The following GNA13 variants were observed in gnomAD, a reference collection of about 807,000 sequenced individuals.
The protein encoded by GNA13 is G protein subunit alpha 13.
In GNA13, 4 loss-of-function variants were observed where a neutral mutation model predicts 33.5. The ratio of observed to expected loss-of-function variants is 0.12; its 90% CI spans 0.06 to 0.27. GNA13 has a LOEUF of 0.27. GNA13 is among the 10% of genes least tolerant of loss of function. GNA13 has a pLI of 1.00. For synonymous variants in GNA13, 176 were observed against 183.8 expected (o/e 0.96, Z 0.34); for missense variants, 319 against 487.2 (o/e 0.65, Z 3.25).
rs1906301899 is a variant in GNA13, at chr17:65,014,695, A to G, written c.696T>C (p.Arg232=). ...DVGGQRSERK[R]WFECFDSVTS... is the part of the protein sequence containing the mutation. ...TCACACTGTCGAAACATTCAAACCA[A>G]CGTTTCCTTTCTGATCTCTGACCAC... is the stretch of plus-strand genomic sequence containing the variant. Residue 232 remains arginine, a synonymous_variant, in exon 4 of 4, where the codon CGT becomes CGC. Coordinates refer to ENST00000439174, the MANE Select transcript of GNA13 (RefSeq NM_006572.6). This position sits in a 1 kb window ranked among gnomAD's most constrained non-coding sequence, Gnocchi z 5.3. 2 of 1,614,166 alleles carry G rather than the reference A, an allele frequency of 1.2e-6. No homozygotes were observed. Among genetic ancestry groups the G allele is most frequent in the African/African-American group, 2.7e-5 (2 of 75,046 alleles).
At chr17:65,017,715 C>T (rs750637228) in intron 3 of GNA13, among the ~76,000 whole-genome samples, 13 of 152,134 alleles carry the variant, frequency 8.5e-5, no homozygotes, top group Non-Finnish European at 8.8e-5. Flanking sequence ...TAAATCTAGC[C>T]CTCCTACTCC....
rs1355846145 is a variant in GNA13 at position 65,053,574 on chromosome 17, A to G, written c.438T>C (p.Leu146=). The G allele has an allele frequency of 6.2e-7, 1 of 1,613,968 alleles. No homozygotes were observed. Among genetic ancestry groups the G allele is most frequent in the East Asian group, 2.2e-5 (1 of 44,890 alleles). The change falls in exon 2 of 4, where the codon CTT becomes CTC. Residue 146 remains leucine (L), a synonymous_variant. Transcript: ENST00000439174. Reference sequence around the variant, plus strand: ...CTGCCCATAATGCTCTTATAGCAGGAAGATATTGTAAGAAAACCCTTGTTT... The same window carrying G: ...CTGCCCATAATGCTCTTATAGCAGGGAGATATTGTAAGAAAACCCTTGTTT... ...MVETRVFLQY[L]PAIRALWADS... is the part of the protein sequence containing the mutation.
At chr17:65,023,495 G>A (rs951295910) in intron 2 of GNA13, among the ~76,000 whole-genome samples, 4 of 152,202 alleles carry the variant, frequency 2.6e-5, no homozygotes, top group Non-Finnish European at 5.9e-5. Flanking sequence ...GTTGAACGCT[G>A]AATGGTTTCG....
chr17:65,035,673 A>C (rs192348185), intron 2 of GNA13, among the ~76,000 whole-genome samples: 9 of 152,326 alleles, frequency 5.9e-5, no homozygotes, highest in Admixed American at 4.6e-4. Flanking sequence ...GAGCCTTGAA[A>C]AATCCCTCAA....
At chr17:65,031,913 A>AGTGTGT (rs1907046663) in intron 2 of GNA13, among the ~76,000 whole-genome samples, 4 of 134,324 alleles carry the variant, frequency 3.0e-5, no homozygotes, top group Admixed American at 2.1e-4. Flanking sequence ...AGAGAGAGAG[A>AGTGTGT]GAGAGAGAGT....
chr17:65,049,980 T>A (rs528903912), intron 2 of GNA13, among the ~76,000 whole-genome samples: 2 of 152,116 alleles, frequency 1.3e-5, no homozygotes, highest in South Asian at 4.2e-4. Flanking sequence ...AAGCAAAAAA[T>A]TAGGGTATGT....
chr17:65,022,921 T>C (rs563804101), intron 2 of GNA13, among the ~76,000 whole-genome samples: 1 of 152,314 alleles, frequency 6.6e-6, no homozygotes, highest in South Asian at 2.1e-4. Context: ...CCATCAACTG[T>C]CAATTAAGAA....
intron 1 of GNA13, among the ~76,000 whole-genome samples, chr17:65,054,550 A>G (rs965586701): frequency 5.3e-5 from 8 of 152,336 alleles, no homozygotes; most frequent in Admixed American, 5.2e-4. Context: ...GGCTCAAGCC[A>G]TCCTCCCACT....
intron 1 of GNA13, 54 bp downstream of exon 1, chr17:65,056,257 C>CCCCCCCCCCCCCCCCCA: frequency 8.6e-7 from 1 of 1,157,914 alleles, no homozygotes; most frequent in Non-Finnish European, 1.2e-6. Context: ...CCGCACCCGC[C>CCCCCCCCCCCCCCCCCA]GCCGCCCCAG....
intron 2 of GNA13, among the ~76,000 whole-genome samples, chr17:65,044,132 T>TA (rs937020661): frequency 2.0e-4 from 30 of 151,372 alleles, no homozygotes; most frequent in African/African-American, 5.6e-4. Context: ...TCTCAAAAAG[T>TA]AAAAAAAAGA....
chr17:65,023,289 G>A (rs1056273775), intron 2 of GNA13, among the ~76,000 whole-genome samples: 1 of 152,236 alleles, frequency 6.6e-6, no homozygotes, highest in African/African-American at 2.4e-5. Flanking sequence ...TCATGAACGA[G>A]TAATGTCAGT....
Position 65,012,020 on chromosome 17 carries a change from ATAGTC to A in GNA13, c.*2232_*2236del, listed in dbSNP as rs760780020. ...TATAAGTAATTCATTGCCTCAAAAT[ATAGTC>A]TAGATTTTAAAAGAATGTTGATTCT... On this transcript the variant is annotated 3_prime_UTR_variant, in exon 4 of 4. Transcript: ENST00000439174. The A allele has an allele frequency of 3.1e-5, 7 of 228,038 alleles. No individual in the cohort carries two copies. Among genetic ancestry groups the A allele is most frequent in the Non-Finnish European group, 5.2e-5 (6 of 114,878 alleles). The allele number at this position is 228,038 out of a possible 1,614,324, so 14.1% of individuals were successfully genotyped here.
At chr17:65,053,406 G>A (rs939613766) in intron 2 of GNA13, 96 bp downstream of exon 2, 42 of 761,266 alleles carry the variant, frequency 5.5e-5, no homozygotes, top group Admixed American at 9.9e-5. Context: ...TTTTAGATTT[G>A]GGAACATTTC....
chr17:65,028,999 TATA>T, intron 2 of GNA13, among the ~76,000 whole-genome samples: 1 of 152,220 alleles, frequency 6.6e-6, no homozygotes, highest in African/African-American at 2.4e-5. Flanking sequence ...GAGTTACTGA[TATA>T]ATACTGAGAA....
rs1433471674 is a variant in GNA13 at position 65,011,803 on chromosome 17, C to T, written c.*2454G>A. On this transcript the variant is annotated 3_prime_UTR_variant, in exon 4 of 4. Coordinates refer to ENST00000439174, the MANE Select transcript of GNA13 (RefSeq NM_006572.6). Reference sequence around the variant, plus strand: ...AGTTTGCATAGTGAAATTATGAGCACCTTTTCAATTCTGTTCACTAAATTT... The same window carrying T: ...AGTTTGCATAGTGAAATTATGAGCATCTTTTCAATTCTGTTCACTAAATTT... 5.3e-5 allele frequency: 12 copies of T among 228,520 alleles called. No homozygotes were observed. In the Admixed American group the frequency reaches 5.7e-4, roughly 11 times the overall value. 14.2% of individuals were successfully genotyped at this position (228,520 alleles called of 1,614,324 possible). A position where few individuals can be genotyped will look rare whatever the true frequency, so the allele number is the denominator to read the frequency against.
intron 2 of GNA13, among the ~76,000 whole-genome samples, chr17:65,023,129 A>G (rs1339750955): frequency 6.6e-6 from 1 of 152,214 alleles, no homozygotes; most frequent in Non-Finnish European, 1.5e-5. Flanking sequence ...AGTACAGCCT[A>G]AACTGGAATA....
At chr17:65,048,054 T>C (rs1035626822) in intron 2 of GNA13, among the ~76,000 whole-genome samples, 3 of 152,112 alleles carry the variant, frequency 2.0e-5, no homozygotes, top group Admixed American at 6.5e-5. Context: ...GCAAAAACAC[T>C]TTGGTTTCAG....
intron 2 of GNA13, among the ~76,000 whole-genome samples, chr17:65,022,682 C>A (rs1003948117): frequency 6.6e-6 from 1 of 152,198 alleles, no homozygotes; most frequent in Non-Finnish European, 1.5e-5. Context: ...TAGCTTATCA[C>A]TGCAGAATTT....
At chr17:65,026,738 A>G (rs1397080757) in intron 2 of GNA13, among the ~76,000 whole-genome samples, 2 of 152,316 alleles carry the variant, frequency 1.3e-5, no homozygotes, top group South Asian at 4.1e-4. Context: ...TTATAAAGAC[A>G]TATACATGAA....
Sources: gnomAD v4.1 joint callset for allele counts (sites outside exome capture counted in the v4.1 genomes callset) on GRCh38, gnomAD v4.1.1 for gene constraint, Gnocchi (gnomAD v3.1) non-coding constraint, MANE v1.5 for transcripts, NCBI Gene and HGNC (gene_info 2026-07-23, HGNC 2026-07-21) for gene names.